Variants in ATRNL1 observed in about 807,000 individuals in gnomAD.
ATRNL1 encodes the protein attractin like 1.
Under a neutral mutation model 182.7 loss-of-function variants are expected in ATRNL1, and 95 were observed. That is an observed-to-expected ratio of 0.52 (90% CI 0.44 to 0.62). The LOEUF is 0.62. Ranked by LOEUF, ATRNL1 falls within the 20% of genes least tolerant of loss-of-function variation. The pLI is 0.00. For synonymous variants in ATRNL1, 576 were observed against 568.3 expected (o/e 1.01, Z -0.19); for missense variants, 1,471 against 1,679.5 (o/e 0.88, Z 2.17).
intron 21 of ATRNL1, among the ~76,000 whole-genome samples, chr10:115,440,588 C>T (rs1322068431): frequency 6.6e-6 from 1 of 151,856 alleles, no homozygotes; most frequent in Non-Finnish European, 1.5e-5. Flanking sequence ...TAGTGCCCTG[C>T]TGTCTTCTTT....
At chr10:115,821,101 TC>T (rs1950284975) in intron 27 of ATRNL1, among the ~76,000 whole-genome samples, 1 of 152,118 alleles carries the variant, frequency 6.6e-6, no homozygotes, top group Non-Finnish European at 1.5e-5. Context: ...TCCTGAGGCC[TC>T]CCTCACCATG....
chr10:115,682,849 A>G (rs1555045144), intron 26 of ATRNL1, among the ~76,000 whole-genome samples: 1 of 152,168 alleles, frequency 6.6e-6, no homozygotes, highest in South Asian at 2.1e-4. Context: ...TACATTTTTA[A>G]GTATCACAAC....
chr10:115,217,911 T>C (rs1313502995), intron 9 of ATRNL1, among the ~76,000 whole-genome samples: 1 of 152,112 alleles, frequency 6.6e-6, no homozygotes, highest in Non-Finnish European at 1.5e-5. Context: ...GCTTAGATCT[T>C]TTTTAGCATA....
At chr10:115,579,884 A>G (rs1327636531) in intron 26 of ATRNL1, among the ~76,000 whole-genome samples, 2 of 151,404 alleles carry the variant, frequency 1.3e-5, no homozygotes, top group Admixed American at 1.3e-4. Context: ...TGTAACTTGT[A>G]TAGGTATTTT....
At chr10:115,716,541 A>G (rs1164498226) in intron 26 of ATRNL1, among the ~76,000 whole-genome samples, 2 of 152,154 alleles carry the variant, frequency 1.3e-5, no homozygotes, top group African/African-American at 4.8e-5. Flanking sequence ...AGAAGCTAGC[A>G]TGTTGTGGCT....
intron 28 of ATRNL1, among the ~76,000 whole-genome samples, chr10:115,908,543 G>A (rs1952571760): frequency 6.6e-6 from 1 of 152,110 alleles, no homozygotes; most frequent in Non-Finnish European, 1.5e-5. Flanking sequence ...GGTTGTCCAG[G>A]ATAATCTCTC....
At chr10:115,569,629 T>A (rs1160285780) in intron 26 of ATRNL1, among the ~76,000 whole-genome samples, 3 of 152,204 alleles carry the variant, frequency 2.0e-5, no homozygotes, top group Non-Finnish European at 4.4e-5. Flanking sequence ...TGCAAACTAT[T>A]CATGTCCTTT....
At chr10:115,683,554 T>TTTTTTG (rs1946122338) in intron 26 of ATRNL1, among the ~76,000 whole-genome samples, 2 of 143,914 alleles carry the variant, frequency 1.4e-5, no homozygotes, top group East Asian at 2.0e-4. Context: ...TAGCGTTTTT[T>TTTTTTG]TTTTTTTTTT....
intron 19 of ATRNL1, among the ~76,000 whole-genome samples, chr10:115,391,740 T>G (rs891624906): frequency 2.6e-5 from 4 of 152,092 alleles, no homozygotes; most frequent in African/African-American, 9.7e-5. Context: ...CTATGAGAGA[T>G]GAACACTAGA....
At chr10:115,585,578 C>CT (rs1230401705) in intron 26 of ATRNL1, among the ~76,000 whole-genome samples, 5 of 53,632 alleles carry the variant, frequency 9.3e-5, no homozygotes, top group Admixed American at 9.2e-4. Context: ...CAACCCCTGT[C>CT]TTTTTTTGTT....
chr10:115,513,845 A>G (rs782053674), intron 24 of ATRNL1, among the ~76,000 whole-genome samples: 1 of 151,958 alleles, frequency 6.6e-6, no homozygotes, highest in Non-Finnish European at 1.5e-5. Flanking sequence ...CTTCTGTTGA[A>G]TAGCCAGTAT....
At chr10:115,839,756 T>C (rs1555096561) in intron 27 of ATRNL1, among the ~76,000 whole-genome samples, 1 of 152,198 alleles carries the variant, frequency 6.6e-6, no homozygotes, top group African/African-American at 2.4e-5. Context: ...AAAAGGATGC[T>C]TCACCAGAGT....
At chr10:115,631,477 A>G (rs990730435) in intron 26 of ATRNL1, among the ~76,000 whole-genome samples, 11 of 152,078 alleles carry the variant, frequency 7.2e-5, no homozygotes, top group Admixed American at 6.6e-4. Flanking sequence ...TAGAAAGACA[A>G]TGTATGCTAT....
intron 28 of ATRNL1, among the ~76,000 whole-genome samples, chr10:115,937,566 G>C (rs1282790094): frequency 6.6e-6 from 1 of 152,166 alleles, no homozygotes; most frequent in Non-Finnish European, 1.5e-5. Context: ...TTGCATATTG[G>C]CGAGGGTGGC....
At chr10:115,851,843 C>T (rs1310308928) in intron 28 of ATRNL1, among the ~76,000 whole-genome samples, 2 of 152,064 alleles carry the variant, frequency 1.3e-5, no homozygotes, top group African/African-American at 4.8e-5. Flanking sequence ...TGTCTTCTGA[C>T]CTCAAAGTGG....
intron 26 of ATRNL1, among the ~76,000 whole-genome samples, chr10:115,720,856 T>C (rs540725694): frequency 2.0e-5 from 3 of 152,366 alleles, no homozygotes; most frequent in Admixed American, 2.0e-4. Context: ...AAAGTAGTTT[T>C]GCTGGCTTTT....
chr10:115,751,850 T>C (rs1344325519), intron 27 of ATRNL1, among the ~76,000 whole-genome samples: 2 of 152,056 alleles, frequency 1.3e-5, no homozygotes, highest in Non-Finnish European at 2.9e-5. Flanking sequence ...TATTTGCTTT[T>C]TTAACAATAA....
intron 28 of ATRNL1, among the ~76,000 whole-genome samples, chr10:115,890,029 T>C (rs1404974816): frequency 2.0e-5 from 3 of 152,228 alleles, no homozygotes; most frequent in African/African-American, 7.2e-5. Flanking sequence ...TACCTTGTCA[T>C]TTCTTCCATT....
intron 19 of ATRNL1, among the ~76,000 whole-genome samples, chr10:115,393,665 G>C (rs995094866): frequency 6.6e-6 from 1 of 152,140 alleles, no homozygotes; most frequent in Non-Finnish European, 1.5e-5. Context: ...TGAAGGCAAA[G>C]ATATCTGCTA....
Sources: allele counts gnomAD v4.1 joint callset (sites outside exome capture counted in the v4.1 genomes callset), GRCh38; gene constraint gnomAD v4.1.1; transcripts MANE v1.5; gene names NCBI Gene and HGNC (gene_info 2026-07-23, HGNC 2026-07-21).